FOXJ3: variants seen among roughly 807,000 people sequenced by gnomAD.
FOXJ3 encodes forkhead box J3, also known as forkhead box protein J3.
FOXJ3 carries 22 observed loss-of-function variants against 76.1 expected under a neutral mutation model. The ratio of observed to expected loss-of-function variants is 0.29; its 90% confidence interval spans 0.21 to 0.41. FOXJ3 has a LOEUF of 0.41. Ranked by LOEUF, FOXJ3 falls within the 10% of genes least tolerant of loss-of-function variation. The pLI, the probability that FOXJ3 is intolerant of heterozygous loss-of-function variation, is 1.00. For missense variants in FOXJ3, 613 were observed against 762.1 expected, an observed-to-expected ratio of 0.80 and a Z score of 2.30; for synonymous variants, 269 against 261.2, an observed-to-expected ratio of 1.03 and a Z score of -0.29.
At chr1:42,329,775 A>C (rs1450556743) in intron 1 of FOXJ3, among the ~76,000 whole-genome samples, 1 of 152,268 alleles carries the variant, frequency 6.6e-6, no homozygotes, top group Non-Finnish European at 1.5e-5. Flanking sequence ...TTTAAAAGAA[A>C]TGCGGATGCG....
chr1:42,200,206 C>T (rs1032035134), intron 6 of FOXJ3, among the ~76,000 whole-genome samples: 4 of 152,068 alleles, frequency 2.6e-5, no homozygotes, highest in African/African-American at 9.7e-5. Flanking sequence ...TCATCATGCA[C>T]GTAAGTCATT....
At chr1:42,329,445 C>A (rs947674180) in intron 1 of FOXJ3, among the ~76,000 whole-genome samples, 1 of 152,130 alleles carries the variant, frequency 6.6e-6, no homozygotes, top group Non-Finnish European at 1.5e-5. Context: ...TGTTATAAAA[C>A]GCCACTGTGG....
At chr1:42,325,774 G>C (rs72962241) in intron 1 of FOXJ3, among the ~76,000 whole-genome samples, 1,729 of 152,262 alleles carry the variant, frequency 0.011, 40 homozygotes, top group African/African-American at 0.04. Flanking sequence ...GTTGCTTCCA[G>C]GGGACTAAAA....
At chr1:42,208,668 A>G (rs933865543) in intron 5 of FOXJ3, among the ~76,000 whole-genome samples, 3 of 152,210 alleles carry the variant, frequency 2.0e-5, no homozygotes, top group Non-Finnish European at 4.4e-5. Context: ...TCTATTCAAC[A>G]TAGTACTGGA....
intron 4 of FOXJ3, among the ~76,000 whole-genome samples, chr1:42,253,954 T>C (rs1168726670): frequency 2.0e-5 from 3 of 150,926 alleles, no homozygotes; most frequent in Non-Finnish European, 4.4e-5. Context: ...AAAGCCAAAA[T>C]TGACAAATGG....
chr1:42,181,863 G>GCT, intron 12 of FOXJ3, 54 bp downstream of exon 12: 7 of 1,092,956 alleles, frequency 6.4e-6, no homozygotes, highest in Admixed American at 2.1e-5. Context: ...TTCCTGGAGT[G>GCT]CTCACACACA....
chr1:42,332,991 T>C (rs1656250976), intron 1 of FOXJ3, among the ~76,000 whole-genome samples: 2 of 152,186 alleles, frequency 1.3e-5, no homozygotes, highest in African/African-American at 4.8e-5. Context: ...AAGTTGAAGC[T>C]TTCCAAGAGA....
At chr1:42,259,794 T>C (rs1650894917) in intron 4 of FOXJ3, among the ~76,000 whole-genome samples, 1 of 152,184 alleles carries the variant, frequency 6.6e-6, no homozygotes, top group Admixed American at 6.5e-5. Flanking sequence ...AATTCCTGAT[T>C]CTACCCAGCT....
chr1:42,257,737 CA>C (rs10660267), intron 4 of FOXJ3, among the ~76,000 whole-genome samples: 2 of 131,954 alleles, frequency 1.5e-5, no homozygotes, highest in Admixed American at 7.6e-5. Flanking sequence ...GACTCTGTCT[CA>C]AAAAAAAAAA....
intron 3 of FOXJ3, among the ~76,000 whole-genome samples, chr1:42,274,242 A>G (rs1220349715): frequency 6.6e-6 from 1 of 152,136 alleles, no homozygotes; most frequent in Non-Finnish European, 1.5e-5. Flanking sequence ...AGCCACTACT[A>G]CTTGCTTAGA....
chr1:42,195,088 T>G (rs769341743), intron 7 of FOXJ3, 24 bp from the exon 8 acceptor site: 2 of 1,557,188 alleles, frequency 1.3e-6, no homozygotes, highest in Admixed American at 3.9e-5. Flanking sequence ...AAAACACAAC[T>G]AATTCAGCCT....
chr1:42,213,803 G>A (rs2124377526), intron 5 of FOXJ3, among the ~76,000 whole-genome samples: 1 of 152,268 alleles, frequency 6.6e-6, no homozygotes, highest in South Asian at 2.1e-4. Context: ...CCAGAAGTGG[G>A]AACAGGCAAA....
chr1:42,198,898 C>A (rs994654675), intron 7 of FOXJ3, among the ~76,000 whole-genome samples: 1 of 152,126 alleles, frequency 6.6e-6, no homozygotes, highest in Non-Finnish European at 1.5e-5. Context: ...CACTGCACAA[C>A]CATTTTTTAA....
At chr1:42,228,262 T>C (rs1359247893) in intron 4 of FOXJ3, among the ~76,000 whole-genome samples, 5 of 152,118 alleles carry the variant, frequency 3.3e-5, no homozygotes, top group Admixed American at 1.3e-4. Flanking sequence ...TAATTCTCAA[T>C]TGAACAGATG....
intron 1 of FOXJ3, among the ~76,000 whole-genome samples, chr1:42,330,512 C>T (rs983491265): frequency 3.9e-5 from 6 of 152,108 alleles, no homozygotes; most frequent in African/African-American, 1.4e-4. Context: ...GTGGCGCGCA[C>T]CTGTAGTCCC....
At chr1:42,211,559 C>G (rs1646966502) in intron 5 of FOXJ3, among the ~76,000 whole-genome samples, 1 of 151,882 alleles carries the variant, frequency 6.6e-6, no homozygotes. Flanking sequence ...CCTTTACCAC[C>G]TCCTTTGGCC....
At chr1:42,183,559 A>C (rs1646374583) in intron 11 of FOXJ3, among the ~76,000 whole-genome samples, 1 of 152,032 alleles carries the variant, frequency 6.6e-6, no homozygotes, top group Non-Finnish European at 1.5e-5. Flanking sequence ...TGATTATAAA[A>C]GCGGTTCACA....
intron 5 of FOXJ3, among the ~76,000 whole-genome samples, chr1:42,222,357 A>T (rs1647245921): frequency 6.6e-6 from 1 of 151,870 alleles, no homozygotes. Context: ...GTTCTCAAAA[A>T]CCCTTATCTT....
rs182154183 is a variant in FOXJ3, at chr1:42,232,886, T to G, written c.445-4920A>C. 1.6e-4 allele frequency among the ~76,000 whole-genome samples: 25 copies of G among 152,336 alleles called. No individual in the cohort carries two copies. In the Middle Eastern group the frequency reaches 0.01, roughly 62 times the overall value. ...CCTTTGCCCATGCCAATGTCCTGAA[T>G]GGTAATGCCTAGGTTTTCTTCTAGG... is the stretch of plus-strand genomic sequence containing the variant. On this transcript the variant is annotated intron_variant, in intron 4 of 12. Coordinates refer to ENST00000361346, the MANE Select transcript of FOXJ3 (RefSeq NM_014947.5).
Sources: allele counts gnomAD v4.1 joint callset (sites outside exome capture counted in the v4.1 genomes callset), GRCh38; gene constraint gnomAD v4.1.1; transcripts MANE v1.5; gene names NCBI Gene and HGNC (gene_info 2026-07-23, HGNC 2026-07-21).